CEP89: variants seen among roughly 807,000 people sequenced by gnomAD.
CEP89 encodes centrosomal protein 89.
A neutral mutation model predicts 97.6 loss-of-function variants in CEP89; 95 were observed. That is an observed-to-expected ratio of 0.97 (90% CI 0.82 to 1.15). The LOEUF (loss-of-function observed/expected upper bound fraction) is 1.15. Among genes scored for constraint, CEP89 ranks in the 50% most tolerant of loss-of-function variants. CEP89 has a pLI of 0.00. For synonymous variants in CEP89, 354 were observed against 349.1 expected (o/e 1.01, Z -0.16); for missense variants, 869 against 947.7 (o/e 0.92, Z 1.09).
intron 14 of CEP89, among the ~76,000 whole-genome samples, chr19:32,910,184 C>A (rs1226927475): frequency 1.3e-5 from 2 of 151,988 alleles, no homozygotes; most frequent in Admixed American, 1.3e-4. Flanking sequence ...TTGCTTGAAC[C>A]CAGAAGGCAG....
Position 32,971,839 on chromosome 19 carries a change from ATGAC to A in CEP89, c.32_35del (p.Ser11IlefsTer50). On this transcript the variant is annotated frameshift_variant, in exon 1 of 19. Transcript: ENST00000305768. LOFTEE classifies it high-confidence loss of function. ...CGGCGGGCGAGCATCTACTTACGAAATGACTCCTGCGGCCTCTCCGAAATCCCAG... is the reference window on the plus strand; with the variant it reads ...CGGCGGGCGAGCATCTACTTACGAAATCCTGCGGCCTCTCCGAAATCCCAG... 6.3e-7 allele frequency: 1 copy of A among 1,594,728 alleles called. No individual in the cohort carries two copies. Among genetic ancestry groups the A allele is most frequent in the South Asian group, 1.1e-5 (1 of 88,296 alleles).
intron 2 of CEP89, among the ~76,000 whole-genome samples, chr19:32,965,056 C>T (rs915295338): frequency 6.6e-6 from 1 of 152,066 alleles, no homozygotes; most frequent in Admixed American, 6.6e-5. Context: ...CAGACATGCA[C>T]CATCATGCTC....
chr19:32,892,853 G>T (rs562064341), intron 16 of CEP89, among the ~76,000 whole-genome samples: 1 of 151,906 alleles, frequency 6.6e-6, no homozygotes, highest in Non-Finnish European at 1.5e-5. Flanking sequence ...TTGAAAGGAC[G>T]ATATCTACTA....
At chr19:32,954,478 G>T (rs1453310934) in intron 3 of CEP89, among the ~76,000 whole-genome samples, 1 of 151,420 alleles carries the variant, frequency 6.6e-6, no homozygotes, top group Non-Finnish European at 1.5e-5. Context: ...TGATCCTCCA[G>T]TCTCAGCCTC....
At chr19:32,971,436 T>G (rs1313608408) in intron 1 of CEP89, 3 of 457,408 alleles carry the variant, frequency 6.6e-6, no homozygotes, top group Non-Finnish European at 1.2e-5. Context: ...ACCAACACTT[T>G]AGGAGGCTAA....
Position 32,879,304 on chromosome 19 carries a change from T to C in CEP89, c.2210A>G (p.Gln737Arg). 1 of 1,614,270 alleles carries C rather than the reference T, an allele frequency of 6.2e-7. No homozygotes were observed. Among genetic ancestry groups the C allele is most frequent in the Non-Finnish European group, 8.5e-7 (1 of 1,180,046 alleles). The change falls in exon 19 of 19, where the codon CAG becomes CGG. Residue 737 changes from glutamine (Q) to arginine (R), a missense_variant. Coordinates refer to ENST00000305768, the MANE Select transcript of CEP89 (RefSeq NM_032816.5). ...RENRRIRELL[Q>R]DTLTRTGVQD... ...CACGCCTGTCCTCGTGAGTGTGTCC[T>C]GGAGAAGTTCTCGGATTCTTCGGTT... is the stretch of plus-strand genomic sequence containing the variant.
rs897528644 is a variant in CEP89, at chr19:32,968,445, A to G, written c.40-1979T>C. Among the ~76,000 whole-genome samples the G allele has an allele frequency of 5.9e-5, 9 of 152,126 alleles. No homozygotes were observed. In the South Asian group the frequency reaches 1.7e-3, roughly 28 times the overall value. Reference sequence around the variant, plus strand: ...TGTATTTTGGTAGAGATGGGGTTTTACCATGTTGGCCAGGGTGGTCTCAAA... The same window carrying G: ...TGTATTTTGGTAGAGATGGGGTTTTGCCATGTTGGCCAGGGTGGTCTCAAA... On this transcript the variant is annotated intron_variant, in intron 1 of 18. Coordinates refer to ENST00000305768, the MANE Select transcript of CEP89 (RefSeq NM_032816.5).
At chr19:32,909,161 G>GAAGGTGGGAGAAAAAC (rs1390815696) in intron 14 of CEP89, among the ~76,000 whole-genome samples, 2 of 152,206 alleles carry the variant, frequency 1.3e-5, no homozygotes. Context: ...TACTCAAGAT[G>GAAGGTGGGAGAAAAAC]AAGGTGGGAG....
chr19:32,964,176 A>T (rs928777741), intron 2 of CEP89, among the ~76,000 whole-genome samples: 1 of 147,742 alleles, frequency 6.8e-6, no homozygotes, highest in African/African-American at 2.5e-5. Flanking sequence ...TTGTGTATAC[A>T]TTTTTTTTTT....
At chr19:32,885,781 C>A (rs535786573) in intron 17 of CEP89, among the ~76,000 whole-genome samples, 7 of 152,140 alleles carry the variant, frequency 4.6e-5, no homozygotes, top group Non-Finnish European at 1.0e-4. Flanking sequence ...GCAGAATAAG[C>A]CACTGTTTTG....
rs138364041 is a variant in CEP89, at chr19:32,953,199, G to A, written c.492+416C>T. Among the ~76,000 whole-genome samples the A allele has an allele frequency of 2.3e-3, 348 of 150,764 alleles. 2 individuals carry two copies. Among genetic ancestry groups the A allele is most frequent in the African/African-American group, 8.3e-3 (339 of 41,090 alleles). On this transcript the variant is annotated intron_variant, in intron 4 of 18. Coordinates refer to ENST00000305768, the MANE Select transcript of CEP89 (RefSeq NM_032816.5). ...ATAAATGCACACAGGAGTTAGAAAC[G>A]GGAGCGCTCACAGTAAACACTCAAA... is the stretch of plus-strand genomic sequence containing the variant.
rs180735217 is a variant in CEP89, at chr19:32,967,109, G to A, written c.40-643C>T. Reference sequence around the variant, plus strand: ...CCCAAAGTGTTGGGATTATAGGTGCGAGTGCTGCACCTGGCCCACTCTCTT... The same window carrying A: ...CCCAAAGTGTTGGGATTATAGGTGCAAGTGCTGCACCTGGCCCACTCTCTT... On this transcript the variant is annotated intron_variant, in intron 1 of 18. Transcript: ENST00000305768. 2.6e-5 allele frequency among the ~76,000 whole-genome samples: 4 copies of A among 152,264 alleles called. No individual in the cohort carries two copies. The East Asian group carries it at 5.8e-4, about 22-fold the overall frequency.
At chr19:32,921,535 G>A (rs1205197301) in intron 12 of CEP89, among the ~76,000 whole-genome samples, 5 of 152,240 alleles carry the variant, frequency 3.3e-5, no homozygotes, top group Admixed American at 2.0e-4. Context: ...GGAACACTGC[G>A]GGGCTGTGGA....
At chr19:32,920,200 G>A (rs1229861623) in intron 12 of CEP89, among the ~76,000 whole-genome samples, 1 of 152,064 alleles carries the variant, frequency 6.6e-6, no homozygotes, top group African/African-American at 2.4e-5. Context: ...ATCACGCCCA[G>A]CTAATTTTTA....
chr19:32,895,089 A>G (rs1482603000), intron 16 of CEP89, among the ~76,000 whole-genome samples: 1 of 152,210 alleles, frequency 6.6e-6, no homozygotes, highest in East Asian at 1.9e-4. Flanking sequence ...AACTATTCCA[A>G]AAAAATTTAA....
At chr19:32,889,715 C>A (rs1969473347) in intron 16 of CEP89, among the ~76,000 whole-genome samples, 1 of 152,180 alleles carries the variant, frequency 6.6e-6, no homozygotes, top group Non-Finnish European at 1.5e-5. Flanking sequence ...ACCGGGATTC[C>A]CTGCACGTCC....
intron 14 of CEP89, among the ~76,000 whole-genome samples, chr19:32,907,073 C>A (rs1369040895): frequency 6.6e-6 from 1 of 152,134 alleles, no homozygotes; most frequent in Non-Finnish European, 1.5e-5. Flanking sequence ...GGAAGAAAGA[C>A]CAGGGGCCAG....
intron 16 of CEP89, among the ~76,000 whole-genome samples, chr19:32,894,306 T>G (rs1259769024): frequency 1.3e-5 from 2 of 152,208 alleles, no homozygotes; most frequent in East Asian, 3.8e-4. Flanking sequence ...GCTCCTTTCA[T>G]GTGCGCCCTT....
chr19:32,897,853 T>G (rs569649289), intron 16 of CEP89, among the ~76,000 whole-genome samples: 2 of 152,218 alleles, frequency 1.3e-5, no homozygotes, highest in Non-Finnish European at 2.9e-5. Flanking sequence ...TGAGCCACCA[T>G]GCCTGGCCTG....
Sources: allele counts gnomAD v4.1 joint callset (sites outside exome capture counted in the v4.1 genomes callset), GRCh38; gene constraint gnomAD v4.1.1; transcripts MANE v1.5; gene names NCBI Gene and HGNC (gene_info 2026-07-23, HGNC 2026-07-21).